SGO1: variants seen among roughly 807,000 people sequenced by gnomAD.
SGO1 encodes the protein serologically defined breast cancer antigen NY-BR-85.
Under a neutral mutation model 50.5 loss-of-function variants are expected in SGO1, and 39 were observed. The observed-to-expected ratio is 0.77, with a 90% CI of 0.60 to 1.01. SGO1 has a LOEUF of 1.01. Ranked by LOEUF, SGO1 falls within the 50% of genes least tolerant of loss-of-function variation. The probability of loss-of-function intolerance (pLI) is 0.00; values close to 1 mark genes in which losing one functional copy is unlikely to be tolerated. For synonymous variants in SGO1, 191 were observed against 205.1 expected, an observed-to-expected ratio of 0.93 and a Z score of 0.59; for missense variants, 638 against 606.0, an observed-to-expected ratio of 1.05 and a Z score of -0.55.
chr3:20,168,498 G>A (rs1191888060), downstream of SGO1, among the ~76,000 whole-genome samples: 1 of 151,552 alleles, frequency 6.6e-6, no homozygotes, highest in African/African-American at 2.4e-5. Flanking sequence ...CCAGAAGCAG[G>A]TGGTGTGCTA....
At chr3:20,181,750 C>G (rs1020886878) in intron 3 of SGO1, among the ~76,000 whole-genome samples, 1 of 151,920 alleles carries the variant, frequency 6.6e-6, no homozygotes, top group Non-Finnish European at 1.5e-5. Context: ...AAGGAAAATA[C>G]AAAATTAGAA....
intron 3 of SGO1, among the ~76,000 whole-genome samples, chr3:20,180,454 GA>G (rs1701886303): frequency 6.6e-6 from 1 of 152,168 alleles, no homozygotes; most frequent in Non-Finnish European, 1.5e-5. Flanking sequence ...TGAGAGATAC[GA>G]AAGCACATCT....
intron 8 of SGO1, among the ~76,000 whole-genome samples, chr3:20,164,380 A>C (rs1489726108): frequency 6.6e-6 from 1 of 152,158 alleles, no homozygotes; most frequent in East Asian, 1.9e-4. Flanking sequence ...CTCAAGATTA[A>C]AAAAAGAAAA....
chr3:20,182,445 CT>C (rs1471073944), intron 3 of SGO1, among the ~76,000 whole-genome samples: 1 of 152,112 alleles, frequency 6.6e-6, no homozygotes, highest in Non-Finnish European at 1.5e-5. Flanking sequence ...GCAATGGCCA[CT>C]GGGAAGAAAT....
At position 20,174,281 on chromosome 3, in the gene SGO1, G is replaced by A. The variant is rs749902796; in HGVS notation, c.1250C>T (p.Thr417Met). The stretch of plus-strand genomic sequence containing the variant: ...AGTTTTTGTTGGCTTAGAACCCTCC[G>A]TCTCTTTTTCATCTGTGTATTTCAG... ...RALKYTDEKE[T>M]EGSKPTKTPT... The change falls in exon 6 of 8, where the codon ACG (threonine) becomes ATG (methionine). Residue 417 changes from threonine (T) to methionine (M), a missense_variant. Coordinates refer to ENST00000412997, the MANE Select transcript of SGO1 (RefSeq NM_001199251.3). 1.1e-5 allele frequency: 17 copies of A among 1,613,924 alleles called. No homozygotes were observed. Among genetic ancestry groups the A allele is most frequent in the East Asian group, 4.5e-5 (2 of 44,886 alleles).
At chr3:20,185,276 TAG>T (rs1356971275) in intron 1 of SGO1, among the ~76,000 whole-genome samples, 1 of 152,034 alleles carries the variant, frequency 6.6e-6, no homozygotes, top group Non-Finnish European at 1.5e-5. Flanking sequence ...GTAACGGATC[TAG>T]TTTAGTTAAG....
intron 8 of SGO1, chr3:20,161,359 C>A: frequency 7.5e-7 from 1 of 1,335,652 alleles, no homozygotes; most frequent in Non-Finnish European, 9.8e-7. Context: ...TGTGAGCAAA[C>A]AATCAAAAGT....
rs1415536039 is a variant in SGO1, at chr3:20,183,994, G to T, written c.34C>A (p.Gln12Lys). 6.3e-7 allele frequency: 1 copy of T among 1,593,690 alleles called. No individual in the cohort carries two copies. Among genetic ancestry groups the T allele is most frequent in the Non-Finnish European group, 8.5e-7 (1 of 1,174,652 alleles). ...AKERCLKKSFQDSLEDIKKRM... is the reference protein window; with the variant it reads ...AKERCLKKSFKDSLEDIKKRM... ...TTCTTTATGTCTTCAAGACTATCTT[G>T]AAAGGACTTTTTCAGGCATCTTTCC... is the stretch of plus-strand genomic sequence containing the variant. Residue 12 changes from glutamine to lysine, a missense_variant, in exon 2 of 8, where the codon CAA becomes AAA. Transcript: ENST00000412997.
At position 20,174,465 on chromosome 3, in the gene SGO1, A is replaced by G; in HGVS notation, c.1066T>C (p.Ser356Pro). Residue 356 changes from serine to proline, a missense_variant, in exon 6 of 8, where the codon TCT (serine) becomes CCT (proline). Physicochemically the swap from Ser to Pro is moderately conservative, Grantham distance 74. Coordinates refer to ENST00000412997, the MANE Select transcript of SGO1 (RefSeq NM_001199251.3). Reference protein sequence around the residue: ...TPFRQKVSNDSNREENNESEV... With the variant: ...TPFRQKVSNDPNREENNESEV... The stretch of plus-strand genomic sequence containing the variant: ...GACTCGTTGTTTTCTTCTCTATTAG[A>G]GTCATTGCTCACTTTTTGTCGGAAA... The G allele has an allele frequency of 6.2e-7, 1 of 1,614,118 alleles. No individual in the cohort carries two copies. The highest frequency in any genetic ancestry group is 1.1e-5 in the South Asian group (1 of 91,080).
intron 8 of SGO1, among the ~76,000 whole-genome samples, chr3:20,164,199 A>T (rs1452020865): frequency 1.3e-5 from 2 of 152,168 alleles, no homozygotes; most frequent in Non-Finnish European, 2.9e-5. Context: ...AATATTAACA[A>T]ATAAAATTCA....
At chr3:20,172,869 G>C (rs1196634390) in intron 6 of SGO1, among the ~76,000 whole-genome samples, 1 of 151,852 alleles carries the variant, frequency 6.6e-6, no homozygotes, top group African/African-American at 2.4e-5. Context: ...GGGAGGCTGA[G>C]GTGGAAGAAT....
At chr3:20,168,673 C>T (rs1171781534), downstream of SGO1, among the ~76,000 whole-genome samples, 11 of 146,478 alleles carry the variant, frequency 7.5e-5, no homozygotes, top group African/African-American at 2.3e-4. Context: ...GATGGAGTCT[C>T]GCTCTGTCAC....
chr3:20,177,447 C>T (rs895058964), intron 4 of SGO1, among the ~76,000 whole-genome samples: 2 of 152,130 alleles, frequency 1.3e-5, no homozygotes, highest in Admixed American at 6.5e-5. Flanking sequence ...GATAGGCATA[C>T]GAAAGAACTG....
At chr3:20,177,527 T>C (rs1261388084) in intron 4 of SGO1, among the ~76,000 whole-genome samples, 1 of 152,288 alleles carries the variant, frequency 6.6e-6, no homozygotes, top group South Asian at 2.1e-4. Flanking sequence ...TCTGAAGTCA[T>C]TTTTTGTTCT....
chr3:20,186,188 A>C lies in SGO1; in HGVS notation c.-248T>G, dbSNP rs1419777664. 6.6e-6 allele frequency: 1 copy of C among 152,440 alleles called. No homozygotes were observed. The highest frequency in any genetic ancestry group is 2.4e-5 in the African/African-American group (1 of 41,460). 9.4% of individuals were successfully genotyped at this position (152,440 alleles called of 1,614,324 possible). A position where few individuals can be genotyped will look rare whatever the true frequency, so the allele number is the denominator to read the frequency against. On this transcript the variant is annotated 5_prime_UTR_variant, in exon 1 of 8. Coordinates refer to ENST00000412997, the MANE Select transcript of SGO1 (RefSeq NM_001199251.3). ...CGTACCACCGTCCGCCGTCGCCTGG[A>C]ACTACCGCCGCCACATTCGAAATTT...
chr3:20,174,122 A>C, intron 6 of SGO1, 127 bp downstream of exon 6: 1 of 763,120 alleles, frequency 1.3e-6, no homozygotes, highest in Non-Finnish European at 2.2e-6. Flanking sequence ...AACTTCCACC[A>C]AAGAGAGACA....
intron 6 of SGO1, among the ~76,000 whole-genome samples, chr3:20,172,792 TAA>T (rs60411282): frequency 1.5e-4 from 15 of 98,898 alleles, no homozygotes; most frequent in African/African-American, 1.9e-4. Flanking sequence ...TCACAAAAAG[TAA>T]AAAAAAAAAA....
At position 20,170,642 on chromosome 3, in the gene SGO1, A is replaced by T; in HGVS notation, c.*62T>A. ...TCACTCTGTTTGTGTACTCTTACAG[A>T]TCCTCTCCTGAAGCAACAGAAAGAG... On this transcript the variant is annotated 3_prime_UTR_variant, in exon 8 of 8. Transcript: ENST00000412997. 3 of 1,474,932 alleles carry T rather than the reference A, an allele frequency of 2.0e-6. No individual in the cohort carries two copies. Among genetic ancestry groups the T allele is most frequent in the Non-Finnish European group, 2.7e-6 (3 of 1,120,418 alleles). The allele number at this position is 1,474,932 out of a possible 1,614,324, so 91.4% of individuals were successfully genotyped here.
At position 20,170,579 on chromosome 3, in the gene SGO1, G is replaced by T; in HGVS notation, c.*125C>A. ...TATAGTTCTGAAGAAATGTTTATGA[G>T]CTAGGGTCCTGTCAAGAGAATATTC... On this transcript the variant is annotated 3_prime_UTR_variant, in exon 8 of 8. Transcript: ENST00000412997. 7.4e-7 allele frequency: 1 copy of T among 1,351,782 alleles called. No homozygotes were observed. The allele number at this position is 1,351,782 out of a possible 1,614,324, so 83.7% of individuals were successfully genotyped here.
Sources: gnomAD v4.1 joint callset for allele counts (sites outside exome capture counted in the v4.1 genomes callset) on GRCh38, gnomAD v4.1.1 for gene constraint, MANE v1.5 for transcripts, NCBI Gene and HGNC (gene_info 2026-07-23, HGNC 2026-07-21) for gene names.